PDZRN3: variants seen among roughly 807,000 people sequenced by gnomAD.
The protein encoded by PDZRN3 is E3 ubiquitin-protein ligase PDZRN3.
In PDZRN3, 38 loss-of-function variants were observed where a neutral mutation model predicts 85.7. The observed-to-expected ratio is 0.44, with a 90% confidence interval of 0.34 to 0.58. The LOEUF is 0.58. Ranked by LOEUF, PDZRN3 falls within the 20% of genes least tolerant of loss-of-function variation. PDZRN3 has a pLI of 0.01. For missense variants in PDZRN3, 1,629 were observed against 1,506.4 expected (o/e 1.08, Z -1.35); for synonymous variants, 759 against 638.0 (o/e 1.19, Z -2.86).
chr3:73,601,205 T>C (rs1369131093), intron 3 of PDZRN3, among the ~76,000 whole-genome samples: 1 of 152,324 alleles, frequency 6.6e-6, no homozygotes, highest in East Asian at 1.9e-4. Flanking sequence ...CAAGACTTTG[T>C]TCTCTGTCTT....
chr3:73,492,229 A>G (rs1356432750), intron 3 of PDZRN3, among the ~76,000 whole-genome samples: 4 of 152,202 alleles, frequency 2.6e-5, no homozygotes, highest in Admixed American at 2.0e-4. Context: ...TATTTCACAG[A>G]AAAACCCAGA....
intron 3 of PDZRN3, among the ~76,000 whole-genome samples, chr3:73,416,580 T>C (rs1241869164): frequency 6.6e-6 from 1 of 152,126 alleles, no homozygotes; most frequent in Non-Finnish European, 1.5e-5. Context: ...TTCTAGAAAC[T>C]TTGCTTCCTA....
chr3:73,592,490 G>A (rs990903422), intron 3 of PDZRN3, among the ~76,000 whole-genome samples: 3 of 152,052 alleles, frequency 2.0e-5, no homozygotes, highest in African/African-American at 7.3e-5. Flanking sequence ...ATGAAAGAAG[G>A]AAATAAAGAG....
At chr3:73,584,020 T>C (rs1702238303) in intron 3 of PDZRN3, among the ~76,000 whole-genome samples, 1 of 152,044 alleles carries the variant, frequency 6.6e-6, no homozygotes, top group Admixed American at 6.6e-5. Flanking sequence ...GTCTGTAACA[T>C]GAAGCCACCA....
At chr3:73,525,576 T>C (rs755789087) in intron 3 of PDZRN3, among the ~76,000 whole-genome samples, 10 of 152,022 alleles carry the variant, frequency 6.6e-5, no homozygotes, top group Non-Finnish European at 1.2e-4. Flanking sequence ...AGCTGCAGAG[T>C]TCTTCTTCCA....
intron 3 of PDZRN3, among the ~76,000 whole-genome samples, chr3:73,554,992 A>G (rs1174915709): frequency 1.3e-5 from 2 of 152,242 alleles, no homozygotes; most frequent in African/African-American, 4.8e-5. Flanking sequence ...CCAGATTCCA[A>G]CAGGCCTGAC....
chr3:73,567,787 A>C (rs948266411), intron 3 of PDZRN3, among the ~76,000 whole-genome samples: 16 of 152,162 alleles, frequency 1.1e-4, no homozygotes, highest in African/African-American at 3.6e-4. Context: ...TCTCCCTTCC[A>C]AACATGTTAA....
intron 3 of PDZRN3, among the ~76,000 whole-genome samples, chr3:73,514,266 A>G (rs1451380554): frequency 6.6e-6 from 1 of 152,220 alleles, no homozygotes; most frequent in Non-Finnish European, 1.5e-5. Flanking sequence ...GCTGTTAAAC[A>G]TGTGAGATGA....
At chr3:73,466,203 C>T (rs549801225) in intron 3 of PDZRN3, among the ~76,000 whole-genome samples, 16 of 152,004 alleles carry the variant, frequency 1.1e-4, no homozygotes, top group African/African-American at 3.9e-4. Flanking sequence ...GAAGAAAACA[C>T]AGTGTTAACA....
chr3:73,460,480 C>T (rs1703080608), intron 3 of PDZRN3, among the ~76,000 whole-genome samples: 1 of 152,164 alleles, frequency 6.6e-6, no homozygotes, highest in Admixed American at 6.5e-5. Flanking sequence ...TCTTAAGCCT[C>T]AAATCCTGAT....
At chr3:73,416,471 C>T (rs760334611) in intron 3 of PDZRN3, among the ~76,000 whole-genome samples, 1 of 151,796 alleles carries the variant, frequency 6.6e-6, no homozygotes, top group Middle Eastern at 3.4e-3. Context: ...GGCTCTGGAT[C>T]GCAAGTCACT....
At chr3:73,520,372 C>T (rs1375665416) in intron 3 of PDZRN3, among the ~76,000 whole-genome samples, 5 of 151,998 alleles carry the variant, frequency 3.3e-5, no homozygotes, top group East Asian at 1.9e-4. Flanking sequence ...GGTGTGGTGG[C>T]GTGTGCCTGT....
chr3:73,455,420 G>C lies in PDZRN3; in HGVS notation c.919-51025C>G, dbSNP rs190067916. Among the ~76,000 whole-genome samples, 9 of 152,328 alleles carry C rather than the reference G, an allele frequency of 5.9e-5. No homozygotes were observed. The East Asian group carries it at 1.7e-3, about 29-fold the overall frequency. On this transcript the variant is annotated intron_variant, in intron 3 of 9. Transcript: ENST00000263666. ...ATGGTCTTCATGAATACATGATGCT[G>C]TGCTGACATTAAGAAATGGCTATGT...
intron 3 of PDZRN3, among the ~76,000 whole-genome samples, chr3:73,454,887 T>C (rs1702947502): frequency 6.6e-6 from 1 of 151,954 alleles, no homozygotes; most frequent in Admixed American, 6.5e-5. Context: ...TTTTAAAGTT[T>C]CTTCATTTTT....
chr3:73,386,223 TCAC>T (rs1417384206), intron 8 of PDZRN3, among the ~76,000 whole-genome samples: 3 of 132,448 alleles, frequency 2.3e-5, no homozygotes, highest in African/African-American at 5.9e-5. Context: ...GGGCAAGATA[TCAC>T]TTTTTTTTTT....
At chr3:73,547,208 A>G (rs1277522032) in intron 3 of PDZRN3, among the ~76,000 whole-genome samples, 2 of 152,272 alleles carry the variant, frequency 1.3e-5, no homozygotes, top group African/African-American at 4.8e-5. Flanking sequence ...CTCTGGAAAC[A>G]GGTTGACTCA....
At chr3:73,471,325 G>A (rs1399981159) in intron 3 of PDZRN3, among the ~76,000 whole-genome samples, 2 of 152,124 alleles carry the variant, frequency 1.3e-5, no homozygotes, top group Admixed American at 6.5e-5. Flanking sequence ...CACAAGGAAC[G>A]TGGCCCTGAA....
chr3:73,420,893 G>A (rs1057157008), intron 3 of PDZRN3, among the ~76,000 whole-genome samples: 3 of 152,128 alleles, frequency 2.0e-5, no homozygotes, highest in Non-Finnish European at 4.4e-5. Context: ...CTCCCATATA[G>A]TTTAAATCAC....
chr3:73,455,624 T>G (rs912155679), intron 3 of PDZRN3, among the ~76,000 whole-genome samples: 1 of 152,244 alleles, frequency 6.6e-6, no homozygotes, highest in Non-Finnish European at 1.5e-5. Flanking sequence ...TAATAAATCT[T>G]GTTCAAAAGA....
Sources: allele counts gnomAD v4.1 joint callset (sites outside exome capture counted in the v4.1 genomes callset), GRCh38; gene constraint gnomAD v4.1.1; transcripts MANE v1.5; gene names NCBI Gene and HGNC (gene_info 2026-07-23, HGNC 2026-07-21).